Variants in EYA2 observed in about 807,000 individuals in gnomAD.
EYA2 encodes the protein protein phosphatase EYA2.
EYA2 carries 31 observed loss-of-function variants against 69.2 expected under a neutral mutation model. That is an observed-to-expected ratio of 0.45 (90% CI 0.34 to 0.60). EYA2 has a LOEUF of 0.60. EYA2 is among the 20% of genes least tolerant of loss of function. EYA2 has a pLI of 0.02. For missense variants in EYA2, 622 were observed against 701.2 expected (o/e 0.89, Z 1.28); for synonymous variants, 257 against 279.4 (o/e 0.92, Z 0.80).
At chr20:47,001,799 T>A (rs1206801) in intron 3 of EYA2, among the ~76,000 whole-genome samples, 76,024 of 150,842 alleles carry the variant, frequency 0.5, 21,618 homozygotes, top group Non-Finnish European at 0.66. Flanking sequence ...TTTTTTTTTT[T>A]TTATTCTTTT....
chr20:46,941,489 G>A (rs1986152771), intron 1 of EYA2, among the ~76,000 whole-genome samples: 1 of 152,234 alleles, frequency 6.6e-6, no homozygotes, highest in African/African-American at 2.4e-5. Flanking sequence ...GGGTTACTGT[G>A]AGAAATTCAA....
rs7263521 is a variant in EYA2, at chr20:47,114,886, G to T, written c.888+17718G>T. Among the ~76,000 whole-genome samples the T allele has an allele frequency of 2.4e-3, 360 of 152,246 alleles. 4 individuals carry two copies. The highest frequency in any genetic ancestry group is 8.2e-3 in the African/African-American group (341 of 41,544). On this transcript the variant is annotated intron_variant, in intron 9 of 15. Transcript: ENST00000327619. ...CCCCTCTTGCTCCTGCTTTTGCCAGGTGAAGTACCTGCTCCCACTTGGCCT... is the reference window on the plus strand; with the variant it reads ...CCCCTCTTGCTCCTGCTTTTGCCAGTTGAAGTACCTGCTCCCACTTGGCCT...
chr20:47,075,118 TTAAA>T (rs1263538848), intron 7 of EYA2, among the ~76,000 whole-genome samples: 2 of 152,184 alleles, frequency 1.3e-5, no homozygotes, highest in African/African-American at 2.4e-5. Context: ...TCTCAAAAAA[TTAAA>T]TAAATAAATA....
At chr20:46,948,387 G>C (rs553677293) in intron 1 of EYA2, among the ~76,000 whole-genome samples, 1 of 152,288 alleles carries the variant, frequency 6.6e-6, no homozygotes, top group African/African-American at 2.4e-5. Flanking sequence ...TAGGCTGTGG[G>C]TTGCCAACCC....
intron 1 of EYA2, among the ~76,000 whole-genome samples, chr20:46,926,242 A>G (rs1403820906): frequency 6.6e-6 from 1 of 152,220 alleles, no homozygotes; most frequent in African/African-American, 2.4e-5. Flanking sequence ...GTACACACAT[A>G]CAGTGATATA....
At chr20:47,148,393 A>C (rs966519009) in intron 10 of EYA2, among the ~76,000 whole-genome samples, 5 of 152,184 alleles carry the variant, frequency 3.3e-5, no homozygotes, top group African/African-American at 9.6e-5. Flanking sequence ...CAGGGGCTAC[A>C]TGTGTCCCTG....
chr20:47,094,873 A>C (rs1468270459), intron 8 of EYA2, among the ~76,000 whole-genome samples: 1 of 152,130 alleles, frequency 6.6e-6, no homozygotes, highest in Non-Finnish European at 1.5e-5. Flanking sequence ...TACAAAAAGA[A>C]AGATCAAAAA....
intron 2 of EYA2, 40 bp downstream of exon 2, chr20:46,990,159 G>T (rs1981561209): frequency 9.3e-7 from 1 of 1,071,230 alleles, no homozygotes; most frequent in Non-Finnish European, 1.5e-6. Context: ...CAGGTGTGGT[G>T]GTCCTAGGTC....
chr20:46,992,142 A>G (rs1487564479), intron 2 of EYA2, among the ~76,000 whole-genome samples: 1 of 152,158 alleles, frequency 6.6e-6, no homozygotes, highest in Non-Finnish European at 1.5e-5. Context: ...ATTCAAAGCA[A>G]CATAAATCTA....
intron 10 of EYA2, among the ~76,000 whole-genome samples, chr20:47,161,890 A>G (rs191332648): frequency 8.1e-4 from 123 of 152,322 alleles, no homozygotes; most frequent in African/African-American, 2.9e-3. Flanking sequence ...CCTTGGGCAC[A>G]TCTGAGTTTG....
In EYA2 at chr20:47,188,631, G is replaced by A; in HGVS notation, c.*498G>A. 2 of 355,854 alleles carry A rather than the reference G, an allele frequency of 5.6e-6. No individual in the cohort carries two copies. The highest frequency in any genetic ancestry group is 1.0e-5 in the Non-Finnish European group (2 of 197,230). The allele number at this position is 355,854 out of a possible 1,614,324, so 22.0% of individuals were successfully genotyped here. On this transcript the variant is annotated 3_prime_UTR_variant, in exon 16 of 16. Coordinates refer to ENST00000327619, the MANE Select transcript of EYA2 (RefSeq NM_005244.5). ...TATTCTCCAAGTTGTGCTTTGTGGG[G>A]ACAATCATTCTTTGAACATTAGAGA...
At chr20:47,011,809 T>G (rs1456812732) in intron 4 of EYA2, among the ~76,000 whole-genome samples, 1 of 152,156 alleles carries the variant, frequency 6.6e-6, no homozygotes, top group Non-Finnish European at 1.5e-5. Context: ...TTCATTCTTC[T>G]TTTTAGCACC....
intron 9 of EYA2, among the ~76,000 whole-genome samples, chr20:47,139,924 A>G (rs1458726857): frequency 6.6e-6 from 1 of 152,202 alleles, no homozygotes; most frequent in African/African-American, 2.4e-5. Context: ...GAGCTTTACC[A>G]ATATGCGGTA....
At chr20:46,992,025 C>CGATTCCCT (rs112279890) in intron 2 of EYA2, among the ~76,000 whole-genome samples, 4,320 of 150,174 alleles carry the variant, frequency 0.029, 179 homozygotes, top group African/African-American at 0.09. Flanking sequence ...CCACATTCCC[C>CGATTCCCT]GCTGGCTGCC....
At chr20:47,172,103 TAAATAAAAAA>T (rs1388131656) in intron 11 of EYA2, among the ~76,000 whole-genome samples, 3 of 144,132 alleles carry the variant, frequency 2.1e-5, no homozygotes. Flanking sequence ...CATCTCAAAA[TAAATAAAAAA>T]AAATAAAAAA....
intron 1 of EYA2, among the ~76,000 whole-genome samples, chr20:46,904,732 A>C (rs551697509): frequency 9.8e-5 from 15 of 152,304 alleles, no homozygotes; most frequent in Admixed American, 5.9e-4. Context: ...CCTGGCTTTG[A>C]ATGGTGCCCA....
At chr20:47,022,279 A>G (rs938880261) in intron 5 of EYA2, among the ~76,000 whole-genome samples, 1 of 152,180 alleles carries the variant, frequency 6.6e-6, no homozygotes, top group Non-Finnish European at 1.5e-5. Flanking sequence ...GTTTTAAACA[A>G]TGAACATGTA....
At chr20:47,119,387 T>TG (rs2146555044) in intron 9 of EYA2, among the ~76,000 whole-genome samples, 1 of 152,220 alleles carries the variant, frequency 6.6e-6, no homozygotes. Flanking sequence ...TGTCTCCCAG[T>TG]GGGGCCTAAT....
At chr20:47,008,551 G>A (rs891861769) in intron 4 of EYA2, among the ~76,000 whole-genome samples, 4 of 152,182 alleles carry the variant, frequency 2.6e-5, no homozygotes, top group African/African-American at 7.2e-5. Flanking sequence ...GAAAAATGAA[G>A]CCATATTCTT....
Sources: allele counts gnomAD v4.1 joint callset (sites outside exome capture counted in the v4.1 genomes callset), GRCh38; gene constraint gnomAD v4.1.1; transcripts MANE v1.5; gene names NCBI Gene and HGNC (gene_info 2026-07-23, HGNC 2026-07-21).